MAN1A2: variants seen among roughly 807,000 people sequenced by gnomAD.
MAN1A2 encodes mannosidase alpha class 1A member 2.
In MAN1A2, 26 loss-of-function variants were observed where a neutral mutation model predicts 75.7. The observed-to-expected ratio is 0.34, with a 90% confidence interval of 0.25 to 0.48. The LOEUF is 0.48. Among genes scored for constraint, MAN1A2 ranks in the 20% least tolerant of loss-of-function variants. The pLI is 0.99. For synonymous variants in MAN1A2, 247 were observed against 264.6 expected (o/e 0.93, Z 0.65); for missense variants, 562 against 775.5 (o/e 0.72, Z 3.27).
intron 3 of MAN1A2, 77 bp from the exon 4 acceptor site, chr1:117,414,636 A>G: frequency 1.4e-6 from 1 of 727,052 alleles, no homozygotes; most frequent in South Asian, 1.7e-5. Flanking sequence ...TGTGAAGGGA[A>G]TCTTTTTTTT....
Position 117,517,729 on chromosome 1 carries a change from C to CT in MAN1A2, c.1794-5089dup, listed in dbSNP as rs1223321865. ...AAGAAGGTGGACCCCCAAAAAAACC[C>CT]TTTTTTTGAAGAAATAATGGCAAAA... On this transcript the variant is annotated intron_variant, in intron 12 of 12. Transcript: ENST00000356554. 3.3e-5 allele frequency among the ~76,000 whole-genome samples: 5 copies of CT among 152,008 alleles called. No individual in the cohort carries two copies. The East Asian group carries it at 7.7e-4, about 23-fold the overall frequency.
intron 1 of MAN1A2, among the ~76,000 whole-genome samples, chr1:117,387,969 G>A (rs1033768141): frequency 1.9e-5 from 1 of 52,974 alleles, no homozygotes; most frequent in Non-Finnish European, 4.2e-5. Flanking sequence ...CCCACCCCCC[G>A]CCGTCATCTC....
intron 12 of MAN1A2, among the ~76,000 whole-genome samples, chr1:117,503,552 A>G (rs1570797843): frequency 6.6e-6 from 1 of 151,806 alleles, no homozygotes; most frequent in South Asian, 2.1e-4. Flanking sequence ...CTCTGTAAAC[A>G]GACCTGGAAG....
chr1:117,375,291 T>G (rs1270978025), intron 1 of MAN1A2, among the ~76,000 whole-genome samples: 5 of 152,200 alleles, frequency 3.3e-5, no homozygotes, highest in Admixed American at 3.3e-4. Flanking sequence ...TTTATTTTAA[T>G]TTTTTAACAA....
At chr1:117,386,497 A>G (rs539128155) in intron 1 of MAN1A2, among the ~76,000 whole-genome samples, 2 of 152,130 alleles carry the variant, frequency 1.3e-5, no homozygotes, top group South Asian at 4.1e-4. Context: ...TATCCTCCTC[A>G]TAATGCCAGT....
intron 4 of MAN1A2, 145 bp from the exon 5 acceptor site, chr1:117,420,424 T>C (rs1044949311): frequency 3.2e-6 from 2 of 631,516 alleles, no homozygotes; most frequent in Non-Finnish European, 5.6e-6. Context: ...AGAGGAGAGA[T>C]TGCAGTTGCA....
chr1:117,402,098 T>C (rs1016901329), intron 1 of MAN1A2, 88 bp from the exon 2 acceptor site: 13 of 1,329,958 alleles, frequency 9.8e-6, no homozygotes, highest in African/African-American at 1.5e-5. Context: ...TTCCTGGGTT[T>C]AATGGAGAAA....
intron 1 of MAN1A2, among the ~76,000 whole-genome samples, chr1:117,369,848 AT>A (rs1652898380): frequency 6.6e-6 from 1 of 152,210 alleles, no homozygotes; most frequent in African/African-American, 2.4e-5. Flanking sequence ...TTCGCATGGT[AT>A]TTGTATAACA....
At chr1:117,399,726 T>A (rs1415794852) in intron 1 of MAN1A2, among the ~76,000 whole-genome samples, 3 of 152,192 alleles carry the variant, frequency 2.0e-5, no homozygotes, top group Admixed American at 2.0e-4. Flanking sequence ...CTCTCTTAGC[T>A]TTAGGCTTCA....
At chr1:117,452,542 G>C (rs1649455308) in intron 6 of MAN1A2, among the ~76,000 whole-genome samples, 1 of 152,188 alleles carries the variant, frequency 6.6e-6, no homozygotes, top group South Asian at 2.1e-4. Flanking sequence ...TGAGTGGTCT[G>C]TATAGAAGAT....
intron 1 of MAN1A2, among the ~76,000 whole-genome samples, chr1:117,400,730 A>G (rs988545546): frequency 6.6e-5 from 10 of 152,202 alleles, no homozygotes; most frequent in Admixed American, 1.3e-4. Flanking sequence ...GTGTGGATAT[A>G]CCACAGTTTT....
At chr1:117,489,598 T>G (rs1338101061) in intron 8 of MAN1A2, among the ~76,000 whole-genome samples, 1 of 152,090 alleles carries the variant, frequency 6.6e-6, no homozygotes, top group Non-Finnish European at 1.5e-5. Context: ...ATTTCTAGTC[T>G]TTTAGATTTA....
chr1:117,442,237 A>G lies in MAN1A2; in HGVS notation c.862A>G (p.Lys288Glu). The change falls in exon 6 of 13, where the codon AAG (lysine) becomes GAG (glutamate). Residue 288 changes from lysine to glutamate, a missense_variant. Lys to Glu is a moderately conservative substitution (Grantham distance 56). This residue lies in a region of MAN1A2 where 434 missense variants were observed against 645.7 expected (regional missense o/e 0.67). Coordinates refer to ENST00000356554, the MANE Select transcript of MAN1A2 (RefSeq NM_006699.5). Reference sequence around the variant, plus strand: ...TTCATGTTTTAAATCTCAGATATTCAAGATTAAAGCAGTGCAATTGGCTGA... The same window carrying G: ...TTCATGTTTTAAATCTCAGATATTCGAGATTAAAGCAGTGCAATTGGCTGA... Reference protein sequence around the residue: ...AYYLSGEEIFKIKAVQLAEKL... With the variant: ...AYYLSGEEIFEIKAVQLAEKL... 1.3e-6 allele frequency: 2 copies of G among 1,588,996 alleles called. No individual in the cohort carries two copies. Among genetic ancestry groups the G allele is most frequent in the Non-Finnish European group, 1.7e-6 (2 of 1,157,250 alleles).
rs1163233862 is a variant in MAN1A2, at chr1:117,520,031, A to C, written c.1794-2794A>C. On this transcript the variant is annotated intron_variant, in intron 12 of 12. Coordinates refer to ENST00000356554, the MANE Select transcript of MAN1A2 (RefSeq NM_006699.5). ...ATGCAGGGATGGTTTAACATATGCAAGTCAATAAATGTGATATCCCACATA... is the reference window on the plus strand; with the variant it reads ...ATGCAGGGATGGTTTAACATATGCACGTCAATAAATGTGATATCCCACATA... Among the ~76,000 whole-genome samples the C allele has an allele frequency of 3.3e-5, 5 of 152,126 alleles. No homozygotes were observed. In the East Asian group the frequency reaches 5.8e-4, roughly 18 times the overall value.
At chr1:117,391,145 C>A (rs912147668) in intron 1 of MAN1A2, among the ~76,000 whole-genome samples, 1 of 151,972 alleles carries the variant, frequency 6.6e-6, no homozygotes, top group Non-Finnish European at 1.5e-5. Flanking sequence ...TACTCTAATC[C>A]CATTGTAGCA....
intron 6 of MAN1A2, among the ~76,000 whole-genome samples, chr1:117,451,060 T>A (rs1649398041): frequency 6.6e-6 from 1 of 152,180 alleles, no homozygotes; most frequent in Non-Finnish European, 1.5e-5. Flanking sequence ...CTGGAAAAGC[T>A]GTACTCAATG....
chr1:117,502,754 C>T (rs1033938330), intron 11 of MAN1A2, 101 bp from the exon 12 acceptor site: 19 of 662,806 alleles, frequency 2.9e-5, no homozygotes, highest in Admixed American at 1.8e-4. Context: ...AATTTTCATA[C>T]AAATCTTTAT....
intron 8 of MAN1A2, among the ~76,000 whole-genome samples, chr1:117,481,985 A>G (rs1650512544): frequency 6.6e-6 from 1 of 151,794 alleles, no homozygotes; most frequent in Non-Finnish European, 1.5e-5. Context: ...AATTTGCCCT[A>G]TATATTGGTG....
At chr1:117,426,835 A>G (rs1190279671) in intron 5 of MAN1A2, among the ~76,000 whole-genome samples, 2 of 152,088 alleles carry the variant, frequency 1.3e-5, no homozygotes, top group Non-Finnish European at 2.9e-5. Flanking sequence ...AAATGTCACT[A>G]CATTATCTTA....
Sources: gnomAD v4.1 joint callset for allele counts (sites outside exome capture counted in the v4.1 genomes callset) on GRCh38, gnomAD v4.1.1 for gene constraint, gnomAD v4.1.1 regional missense constraint, MANE v1.5 for transcripts, NCBI Gene and HGNC (gene_info 2026-07-23, HGNC 2026-07-21) for gene names.